GCNT4: variants seen among roughly 807,000 people sequenced by gnomAD.
The protein encoded by GCNT4 is beta-1,3-galactosyl-O-glycosyl-glycoprotein beta-1,6-N-acetylglucosaminyltransferase 4.
Under a neutral mutation model 31.3 loss-of-function variants are expected in GCNT4, and 17 were observed. The ratio of observed to expected loss-of-function variants is 0.54; its 90% confidence interval spans 0.37 to 0.81. GCNT4 has a LOEUF of 0.81. Ranked by LOEUF, GCNT4 falls within the 40% of genes least tolerant of loss-of-function variation. The probability of loss-of-function intolerance (pLI) is 0.00; values close to 1 mark genes in which losing one functional copy is unlikely to be tolerated. For synonymous variants in GCNT4, 158 were observed against 190.6 expected (o/e 0.83, Z 1.41); for missense variants, 503 against 525.5 (o/e 0.96, Z 0.42).
Position 75,035,409 on chromosome 5 carries a change from T to G in GCNT4, c.-1-5371A>C, listed in dbSNP as rs1310468367. The stretch of plus-strand genomic sequence containing the variant: ...TTTAGGGACCAAGAATGCCTGAGCT[T>G]TTTTCAGGAACAGGTTGTGGGGCAC... On this transcript the variant is annotated intron_variant, in intron 3 of 3. Transcript: ENST00000652361. 2.6e-5 allele frequency among the ~76,000 whole-genome samples: 4 copies of G among 152,122 alleles called. No individual in the cohort carries two copies. In the East Asian group the frequency reaches 7.7e-4, roughly 29 times the overall value.
intron 3 of GCNT4, among the ~76,000 whole-genome samples, chr5:75,046,155 C>T (rs575763235): frequency 6.6e-6 from 1 of 152,220 alleles, no homozygotes; most frequent in Admixed American, 6.5e-5. Context: ...CCTTGTGTAT[C>T]ATTCCATTTC....
chr5:75,033,851 G>A (rs530601783), intron 3 of GCNT4, among the ~76,000 whole-genome samples: 4 of 151,496 alleles, frequency 2.6e-5, no homozygotes, highest in African/African-American at 4.9e-5. Flanking sequence ...CTCACCCCCC[G>A]ATAGGCCCCA....
downstream of GCNT4, among the ~76,000 whole-genome samples, chr5:75,025,094 T>C (rs1742927527): frequency 6.6e-6 from 1 of 152,180 alleles, no homozygotes; most frequent in Admixed American, 6.5e-5. Flanking sequence ...ATTTATCTTA[T>C]TAATCTTACA....
upstream of GCNT4, chr5:75,052,816 C>G (rs1045832904): frequency 6.6e-6 from 1 of 152,420 alleles, no homozygotes; most frequent in South Asian, 2.1e-4. Context: ...GCAAGCGGCT[C>G]CGAAAGGCAA....
At chr5:75,019,005 T>A in the GCNT4 span, among the ~76,000 whole-genome samples, 1 of 152,176 alleles carries the variant, frequency 6.6e-6, no homozygotes, top group African/African-American at 2.4e-5. Context: ...CTTACTTTTA[T>A]AAGCTCCTTT....
At chr5:75,034,076 G>A (rs1353765806) in intron 3 of GCNT4, among the ~76,000 whole-genome samples, 2 of 152,214 alleles carry the variant, frequency 1.3e-5, no homozygotes, top group Non-Finnish European at 1.5e-5. Flanking sequence ...TTTCCCCAAA[G>A]AGGTGCGTAG....
chr5:75,021,472 A>C (rs1169251579), downstream of GCNT4, among the ~76,000 whole-genome samples: 1 of 152,188 alleles, frequency 6.6e-6, no homozygotes, highest in Non-Finnish European at 1.5e-5. Flanking sequence ...CTCAGTAGCC[A>C]GGAGGGCTCT....
intron 3 of GCNT4, among the ~76,000 whole-genome samples, chr5:75,032,035 A>T (rs1743074537): frequency 6.6e-6 from 1 of 152,208 alleles, no homozygotes; most frequent in Non-Finnish European, 1.5e-5. Context: ...ATACAGACCC[A>T]TTGACAAAAC....
intron 3 of GCNT4, among the ~76,000 whole-genome samples, chr5:75,046,152 T>C (rs140412799): frequency 1.3e-5 from 2 of 152,314 alleles, no homozygotes; most frequent in Non-Finnish European, 2.9e-5. Context: ...CTACCTTGTG[T>C]ATCATTCCAT....
At chr5:75,041,727 A>G (rs73765654) in intron 3 of GCNT4, among the ~76,000 whole-genome samples, 19,308 of 152,198 alleles carry the variant, frequency 0.13, 1,714 homozygotes, top group African/African-American at 0.26. Context: ...AATTCAGCCC[A>G]TGGTCACACC....
chr5:75,044,339 C>T (rs968238052), intron 3 of GCNT4, among the ~76,000 whole-genome samples: 4 of 151,868 alleles, frequency 2.6e-5, no homozygotes, highest in African/African-American at 7.3e-5. Context: ...CACTGGACCC[C>T]CTCCATGTTA....
intron 2 of GCNT4, among the ~76,000 whole-genome samples, chr5:75,051,137 G>A (rs1266145010): frequency 2.0e-5 from 3 of 152,038 alleles, no homozygotes; most frequent in East Asian, 1.9e-4. Flanking sequence ...CACCATTCCC[G>A]GGGATGGGAA....
At chr5:75,036,879 T>C (rs939192585) in intron 3 of GCNT4, among the ~76,000 whole-genome samples, 1 of 152,246 alleles carries the variant, frequency 6.6e-6, no homozygotes, top group South Asian at 2.1e-4. Flanking sequence ...CTTATAGTTA[T>C]CTGTGACACC....
intron 3 of GCNT4, among the ~76,000 whole-genome samples, chr5:75,037,912 A>G (rs1743234055): frequency 6.6e-6 from 1 of 150,766 alleles, no homozygotes. Flanking sequence ...AAAAAAACAA[A>G]AAACAGAAAA....
chr5:75,053,384 T>C (rs1038895347), upstream of GCNT4, among the ~76,000 whole-genome samples: 6 of 151,994 alleles, frequency 3.9e-5, no homozygotes, highest in African/African-American at 1.2e-4. Context: ...CGCCGAAGTT[T>C]TCCCCGGCGG....
intron 3 of GCNT4, among the ~76,000 whole-genome samples, chr5:75,031,784 G>A (rs567637779): frequency 1.3e-5 from 2 of 152,162 alleles, no homozygotes; most frequent in East Asian, 1.9e-4. Flanking sequence ...TACTTATAGG[G>A]AGCAGCAAGA....
intron 2 of GCNT4, among the ~76,000 whole-genome samples, chr5:75,048,562 C>A (rs977612508): frequency 2.0e-5 from 3 of 152,178 alleles, no homozygotes; most frequent in Non-Finnish European, 2.9e-5. Context: ...AAAAACAAAA[C>A]CAAAACCATC....
chr5:75,053,395 G>A (rs1743634207), upstream of GCNT4, among the ~76,000 whole-genome samples: 1 of 152,110 alleles, frequency 6.6e-6, no homozygotes, highest in East Asian at 1.9e-4. Flanking sequence ...TCCCCGGCGG[G>A]AAAACGAAAG....
At chr5:75,023,792 A>G (rs1742909146), downstream of GCNT4, 2 of 152,270 alleles carry the variant, frequency 1.3e-5, no homozygotes, top group African/African-American at 4.8e-5. Flanking sequence ...ACAACAAAGA[A>G]CAAAACAAGA....
Sources: gnomAD v4.1 joint callset for allele counts (sites outside exome capture counted in the v4.1 genomes callset) on GRCh38, gnomAD v4.1.1 for gene constraint, MANE v1.5 for transcripts, NCBI Gene and HGNC (gene_info 2026-07-23, HGNC 2026-07-21) for gene names.